Variants in CENPP observed in about 807,000 individuals in gnomAD.
The protein encoded by CENPP is centromere protein P.
A neutral mutation model predicts 35.6 loss-of-function variants in CENPP; 24 were observed. That is an observed-to-expected ratio of 0.67 (90% CI 0.49 to 0.95). The LOEUF is 0.95. CENPP is among the 40% of genes least tolerant of loss of function. The probability of loss-of-function intolerance (pLI) is 0.00; values close to 1 mark genes in which losing one functional copy is unlikely to be tolerated. For synonymous variants in CENPP, 120 were observed against 125.5 expected, an observed-to-expected ratio of 0.96 and a Z score of 0.29; for missense variants, 332 against 345.3, an observed-to-expected ratio of 0.96 and a Z score of 0.31.
chr9:92,525,428 T>G (rs1004026498), intron 5 of CENPP, among the ~76,000 whole-genome samples: 5 of 152,238 alleles, frequency 3.3e-5, no homozygotes, highest in Admixed American at 3.3e-4. Flanking sequence ...ACATAATGAC[T>G]TTTTTGTCAG....
intron 4 of CENPP, among the ~76,000 whole-genome samples, chr9:92,359,109 C>A (rs1259133435): frequency 2.0e-5 from 3 of 151,874 alleles, no homozygotes; most frequent in African/African-American, 4.8e-5. Context: ...GCCACCACAC[C>A]CAGCTAATTT....
At chr9:92,517,710 C>T (rs757687848) in intron 5 of CENPP, 1 of 1,614,046 alleles carries the variant, frequency 6.2e-7, no homozygotes, top group Non-Finnish European at 8.5e-7. Context: ...GACCGGGCAG[C>T]ATTCCCCTTC....
At chr9:92,355,423 A>G (rs1388246965) in intron 4 of CENPP, among the ~76,000 whole-genome samples, 1 of 152,062 alleles carries the variant, frequency 6.6e-6, no homozygotes. Context: ...CACACTCTAC[A>G]TAAAACAAAC....
At chr9:92,524,206 G>A (rs1383995332) in intron 5 of CENPP, among the ~76,000 whole-genome samples, 2 of 152,188 alleles carry the variant, frequency 1.3e-5, no homozygotes, top group South Asian at 2.1e-4. Flanking sequence ...GGGGAAGGGC[G>A]TGATGGTGCC....
intron 5 of CENPP, among the ~76,000 whole-genome samples, chr9:92,586,778 T>C (rs1215743440): frequency 6.6e-6 from 1 of 152,090 alleles, no homozygotes; most frequent in Non-Finnish European, 1.5e-5. Flanking sequence ...AACAAAGACT[T>C]CACTGACCAC....
chr9:92,532,536 A>G (rs753809474), intron 5 of CENPP, among the ~76,000 whole-genome samples: 3 of 151,648 alleles, frequency 2.0e-5, no homozygotes, highest in East Asian at 3.9e-4. Context: ...TTGTTTGTCT[A>G]TCTCTTCAGT....
intron 5 of CENPP, chr9:92,496,431 G>T (rs371904059): frequency 6.2e-7 from 1 of 1,608,850 alleles, no homozygotes; most frequent in Non-Finnish European, 8.5e-7. Flanking sequence ...AGATGTTCCA[G>T]ATTTGAGTCA....
chr9:92,572,601 C>G (rs538257121), intron 5 of CENPP, among the ~76,000 whole-genome samples: 4 of 152,030 alleles, frequency 2.6e-5, no homozygotes, highest in African/African-American at 9.7e-5. Flanking sequence ...ATCTTTGTGG[C>G]GTTCTCTGTA....
chr9:92,360,149 T>C (rs1432841053), intron 4 of CENPP, among the ~76,000 whole-genome samples: 1 of 152,220 alleles, frequency 6.6e-6, no homozygotes, highest in African/African-American at 2.4e-5. Flanking sequence ...TTTATTTCAT[T>C]CACGTTTTGG....
intron 5 of CENPP, among the ~76,000 whole-genome samples, chr9:92,399,870 A>G (rs1325205985): frequency 6.6e-6 from 1 of 152,076 alleles, no homozygotes; most frequent in African/African-American, 2.4e-5. Flanking sequence ...TTGTCTATTC[A>G]TATACCAGTA....
chr9:92,616,273 G>A lies in CENPP; in HGVS notation c.*3124G>A, dbSNP rs749602085. ...CGTTCTGTGCACCTGTGATCTGTGCGTGTGACAGCTGTCTGTGCCGGCTGT... is the reference window on the plus strand; with the variant it reads ...CGTTCTGTGCACCTGTGATCTGTGCATGTGACAGCTGTCTGTGCCGGCTGT... On this transcript the variant is annotated 3_prime_UTR_variant, in exon 8 of 8. Coordinates refer to ENST00000375587, the MANE Select transcript of CENPP (RefSeq NM_001012267.3). 55 of 503,286 alleles carry A rather than the reference G, an allele frequency of 1.1e-4. No individual in the cohort carries two copies. The highest frequency in any genetic ancestry group is 4.6e-4 in the Middle Eastern group (1 of 2,162). The allele number at this position is 503,286 out of a possible 1,614,324, so 31.2% of individuals were successfully genotyped here. A position where few individuals can be genotyped will look rare whatever the true frequency, so the allele number is the denominator to read the frequency against.
At chr9:92,466,650 T>C (rs769292219) in intron 5 of CENPP, 1 of 1,224,378 alleles carries the variant, frequency 8.2e-7, no homozygotes, top group Non-Finnish European at 1.2e-6. Context: ...TAGCCAATGA[T>C]GGAAATCAGT....
Position 92,616,181 on chromosome 9 carries a change from G to T in CENPP, c.*3032G>T. The T allele has an allele frequency of 1.5e-6, 1 of 674,452 alleles. No individual in the cohort carries two copies. Among genetic ancestry groups the T allele is most frequent in the Non-Finnish European group, 2.5e-6 (1 of 396,056 alleles). 41.8% of individuals were successfully genotyped at this position (674,452 alleles called of 1,614,324 possible). Reference sequence around the variant, plus strand: ...ATGTTTTTTCTTTGACTTCTGCAAAGTTAGATAAATCAATCTCTTTTAAAA... The same window carrying T: ...ATGTTTTTTCTTTGACTTCTGCAAATTTAGATAAATCAATCTCTTTTAAAA... On this transcript the variant is annotated 3_prime_UTR_variant, in exon 8 of 8. Coordinates refer to ENST00000375587, the MANE Select transcript of CENPP (RefSeq NM_001012267.3).
At chr9:92,512,244 C>T in intron 5 of CENPP, 1 of 575,822 alleles carries the variant, frequency 1.7e-6, no homozygotes, top group East Asian at 3.1e-5. Flanking sequence ...GAAAGCAATA[C>T]TCAGAACAAG....
chr9:92,458,538 A>G (rs1844970034), intron 5 of CENPP, among the ~76,000 whole-genome samples: 1 of 152,226 alleles, frequency 6.6e-6, no homozygotes. Context: ...CTGGGAATGA[A>G]AACCTGCTGG....
At chr9:92,543,495 AAAAAAG>A (rs1158118407) in intron 5 of CENPP, among the ~76,000 whole-genome samples, 2 of 151,200 alleles carry the variant, frequency 1.3e-5, no homozygotes, top group Non-Finnish European at 3.0e-5. Flanking sequence ...AAAAAAAAAA[AAAAAAG>A]ATTGCATTAG....
At chr9:92,467,223 A>G (rs543811347) in intron 5 of CENPP, among the ~76,000 whole-genome samples, 2 of 152,222 alleles carry the variant, frequency 1.3e-5, no homozygotes, top group Non-Finnish European at 2.9e-5. Context: ...GAGTAAAAAG[A>G]GCTCGTACCA....
chr9:92,615,963 G>A lies in CENPP; in HGVS notation c.*2814G>A, dbSNP rs201903904. ...TTGCCGTCCAGTTTATACTGATGGG[G>A]AATGCTCTCGTAGGGCTTGAGGTCA... On this transcript the variant is annotated 3_prime_UTR_variant, in exon 8 of 8. Transcript: ENST00000375587. 1 of 1,614,080 alleles carries A rather than the reference G, an allele frequency of 6.2e-7. No individual in the cohort carries two copies.
At chr9:92,345,920 A>G in intron 4 of CENPP, 133 bp downstream of exon 4, 1 of 578,926 alleles carries the variant, frequency 1.7e-6, no homozygotes, top group Non-Finnish European at 3.0e-6. Flanking sequence ...TGTTGTGCTT[A>G]TATTTGAGCC....
Sources: allele counts gnomAD v4.1 joint callset (sites outside exome capture counted in the v4.1 genomes callset), GRCh38; gene constraint gnomAD v4.1.1; transcripts MANE v1.5; gene names NCBI Gene and HGNC (gene_info 2026-07-23, HGNC 2026-07-21).